Variants in ALPK2 observed in about 807,000 individuals in gnomAD.
The protein encoded by ALPK2 is alpha kinase 2.
In ALPK2, 127 loss-of-function variants were observed where a neutral mutation model predicts 163.1. The observed-to-expected ratio is 0.78, with a 90% CI of 0.67 to 0.90. The LOEUF (loss-of-function observed/expected upper bound fraction) is 0.90, where lower values mean the gene tolerates loss of function less well. Ranked by LOEUF, ALPK2 falls within the 40% of genes least tolerant of loss-of-function variation. The pLI, the probability that ALPK2 is intolerant of heterozygous loss-of-function variation, is 0.00. For synonymous variants in ALPK2, 953 were observed against 959.1 expected (o/e 0.99, Z 0.12); for missense variants, 2,360 against 2,589.6 (o/e 0.91, Z 1.92).
chr18:58,576,447 T>A (rs2051922226), intron 4 of ALPK2, among the ~76,000 whole-genome samples: 1 of 152,206 alleles, frequency 6.6e-6, no homozygotes, highest in African/African-American at 2.4e-5. Context: ...CCATTTCAAA[T>A]TTTTAGGTCC....
At chr18:58,495,552 A>G (rs2051397235) in intron 12 of ALPK2, among the ~76,000 whole-genome samples, 1 of 152,162 alleles carries the variant, frequency 6.6e-6, no homozygotes. Flanking sequence ...AAAATGTACC[A>G]CTTGAAGCTC....
intron 11 of ALPK2, among the ~76,000 whole-genome samples, chr18:58,501,309 G>T (rs12954360): frequency 6.6e-6 from 1 of 152,026 alleles, no homozygotes; most frequent in Non-Finnish European, 1.5e-5. Flanking sequence ...AAATTAATTC[G>T]CAAGGAGAAA....
At chr18:58,557,669 CGT>C (rs5825292) in intron 4 of ALPK2, among the ~76,000 whole-genome samples, 69,661 of 149,808 alleles carry the variant, frequency 0.47, 16,542 homozygotes, top group Non-Finnish European at 0.51. Flanking sequence ...CATATATATA[CGT>C]GTGTGTGTGT....
chr18:58,622,738 A>G (rs73447282), intron 1 of ALPK2, among the ~76,000 whole-genome samples: 3,785 of 152,252 alleles, frequency 0.025, 144 homozygotes, highest in African/African-American at 0.086. Flanking sequence ...CAAACATTTC[A>G]CAGTAAAGAA....
At chr18:58,534,767 C>CAT in intron 5 of ALPK2, 67 bp downstream of exon 5, 1 of 1,526,778 alleles carries the variant, frequency 6.5e-7, no homozygotes, top group South Asian at 1.3e-5. Context: ...CCCTCGAGGA[C>CAT]ACAGGAACTG....
intron 12 of ALPK2, among the ~76,000 whole-genome samples, chr18:58,485,777 AC>A (rs2051335661): frequency 6.9e-6 from 1 of 144,802 alleles, no homozygotes; most frequent in Non-Finnish European, 1.5e-5. Flanking sequence ...GTTTAATCCC[AC>A]CTGCCACTGG....
chr18:58,592,574 G>A (rs2052019804), intron 3 of ALPK2, among the ~76,000 whole-genome samples: 1 of 152,218 alleles, frequency 6.6e-6, no homozygotes, highest in Admixed American at 6.5e-5. Context: ...GTAGGGCTGG[G>A]GGAGAGGGCC....
At chr18:58,618,077 C>T (rs1164777267) in intron 1 of ALPK2, among the ~76,000 whole-genome samples, 1 of 152,096 alleles carries the variant, frequency 6.6e-6, no homozygotes, top group African/African-American at 2.4e-5. Context: ...TGGAGTTTTG[C>T]TCTTGTTGCC....
chr18:58,536,383 A>C lies in ALPK2; in HGVS notation c.3804T>G (p.Ile1268Met). The stretch of plus-strand genomic sequence containing the variant: ...CAGGTACAGCCCAGACCTTGTCAGG[A>C]ATTATGAGACCACCGTCTGATGCCT... ...ESKASDGGLI[I>M]PDKVWAVPDS... is the part of the protein sequence containing the mutation. The change falls in exon 5 of 13, where the codon ATT becomes ATG. Residue 1268 changes from isoleucine (I) to methionine (M), a missense_variant. Ile to Met is a conservative substitution (Grantham distance 10). Transcript: ENST00000361673. 16 of 1,614,072 alleles carry C rather than the reference A, an allele frequency of 9.9e-6. No individual in the cohort carries two copies. The highest frequency in any genetic ancestry group is 1.4e-5 in the Non-Finnish European group (16 of 1,180,002).
At chr18:58,580,744 G>A (rs11665647) in intron 3 of ALPK2, 196 bp from the exon 4 acceptor site, 210,355 of 590,482 alleles carry the variant, frequency 0.36, 40,013 homozygotes, top group East Asian at 0.58. Context: ...GAGAATCCTA[G>A]GCAATCAGCA....
chr18:58,493,188 C>T (rs188674511), intron 12 of ALPK2, among the ~76,000 whole-genome samples: 3 of 152,208 alleles, frequency 2.0e-5, no homozygotes, highest in Admixed American at 6.5e-5. Flanking sequence ...GAGATTGGTC[C>T]GCTGATGCCT....
intron 6 of ALPK2, among the ~76,000 whole-genome samples, chr18:58,525,775 C>T (rs2051580984): frequency 6.6e-6 from 1 of 152,080 alleles, no homozygotes; most frequent in Admixed American, 6.5e-5. Context: ...TGTGAAGCTT[C>T]AGCGAAAAGC....
rs2051759511 is a variant in ALPK2 at position 58,551,420 on chromosome 18, T to G, written c.1963-13196A>C. Among the ~76,000 whole-genome samples, 3 of 152,186 alleles carry G rather than the reference T, an allele frequency of 2.0e-5. No individual in the cohort carries two copies. In the South Asian group the frequency reaches 6.2e-4, roughly 32 times the overall value. ...TGTGGCCATCTTCCCTCTATATCTTTCCGTGTGTCCTCTCCTCTTCTTATA... is the reference window on the plus strand; with the variant it reads ...TGTGGCCATCTTCCCTCTATATCTTGCCGTGTGTCCTCTCCTCTTCTTATA... On this transcript the variant is annotated intron_variant, in intron 4 of 12. Coordinates refer to ENST00000361673, the MANE Select transcript of ALPK2 (RefSeq NM_052947.4).
chr18:58,534,025 CTACCAGGG>C (rs2051629875), intron 5 of ALPK2, among the ~76,000 whole-genome samples: 1 of 152,182 alleles, frequency 6.6e-6, no homozygotes, highest in African/African-American at 2.4e-5. Context: ...CTTCTGACTT[CTACCAGGG>C]TGTGTGGGGA....
chr18:58,484,722 G>A (rs1345424677), intron 12 of ALPK2, among the ~76,000 whole-genome samples: 1 of 151,634 alleles, frequency 6.6e-6, no homozygotes, highest in African/African-American at 2.4e-5. Context: ...CCAGTCTGGC[G>A]ACAGAGCGAG....
intron 6 of ALPK2, among the ~76,000 whole-genome samples, chr18:58,524,848 C>T (rs1309596313): frequency 1.3e-5 from 2 of 151,738 alleles, no homozygotes; most frequent in African/African-American, 2.4e-5. Context: ...AAGCTGCCTC[C>T]CCAAGTAAAT....
intron 8 of ALPK2, among the ~76,000 whole-genome samples, chr18:58,522,360 A>G (rs549688096): frequency 6.6e-6 from 1 of 152,228 alleles, no homozygotes; most frequent in African/African-American, 2.4e-5. Context: ...GTTGTTAAAT[A>G]TTTACCCCAG....
chr18:58,542,282 G>A (rs1216358829), intron 4 of ALPK2, among the ~76,000 whole-genome samples: 1 of 152,206 alleles, frequency 6.6e-6, no homozygotes, highest in Non-Finnish European at 1.5e-5. Context: ...TCAAGTGCCT[G>A]ACATATTGCC....
intron 1 of ALPK2, among the ~76,000 whole-genome samples, chr18:58,615,524 C>G (rs954995629): frequency 2.0e-5 from 3 of 152,192 alleles, no homozygotes; most frequent in African/African-American, 7.2e-5. Flanking sequence ...TGTCAATTGC[C>G]TTGTAAATAT....
Sources: gnomAD v4.1 joint callset for allele counts (sites outside exome capture counted in the v4.1 genomes callset) on GRCh38, gnomAD v4.1.1 for gene constraint, MANE v1.5 for transcripts, NCBI Gene and HGNC (gene_info 2026-07-23, HGNC 2026-07-21) for gene names.